Variants in ANKRD28 observed in about 807,000 individuals in gnomAD.
The protein encoded by ANKRD28 is ankyrin repeat domain 28.
ANKRD28 carries 44 observed loss-of-function variants against 126.5 expected under a neutral mutation model. The observed-to-expected ratio is 0.35, with a 90% CI of 0.27 to 0.45. The LOEUF is 0.45. Ranked by LOEUF, ANKRD28 falls within the 20% of genes least tolerant of loss-of-function variation. The pLI is 1.00. For synonymous variants in ANKRD28, 442 were observed against 468.5 expected, an observed-to-expected ratio of 0.94 and a Z score of 0.73; for missense variants, 1,110 against 1,316.6, an observed-to-expected ratio of 0.84 and a Z score of 2.43.
Position 15,814,777 on chromosome 3 carries a change from C to T in ANKRD28, c.28-19471G>A, listed in dbSNP as rs192091237. Among the ~76,000 whole-genome samples, 43 of 151,910 alleles carry T rather than the reference C, an allele frequency of 2.8e-4. No homozygotes were observed. The highest frequency in any genetic ancestry group is 9.4e-4 in the African/African-American group (39 of 41,466). Reference sequence around the variant, plus strand: ...AAAAGTTTAAAATATTCAATCTATACGCTTTTTGAATATGTAGAACATACT... The same window carrying T: ...AAAAGTTTAAAATATTCAATCTATATGCTTTTTGAATATGTAGAACATACT... On this transcript the variant is annotated intron_variant, in intron 1 of 27. Coordinates refer to the ANKRD28 transcript ENST00000399451. This position sits in a 1 kb window ranked among gnomAD's most constrained non-coding sequence, Gnocchi z 4.7.
In ANKRD28 at chr3:15,846,532, G is replaced by A. The variant is rs970709555; in HGVS notation, c.27+12845C>T. On this transcript the variant is annotated intron_variant, in intron 1 of 27. Coordinates refer to the ANKRD28 transcript ENST00000399451. The surrounding 1 kb of genome is among the most constrained non-coding windows in gnomAD (Gnocchi z 5.4). The stretch of plus-strand genomic sequence containing the variant: ...CTGAAAGCTTACCTACCATATAAAC[G>A]AGTTAAAAAATACAAACAGTATAAA... Among the ~76,000 whole-genome samples the A allele has an allele frequency of 6.6e-6, 1 of 152,086 alleles. No individual in the cohort carries two copies. The highest frequency in any genetic ancestry group is 1.9e-4 in the East Asian group (1 of 5,194).
chr3:15,682,827 T>C (rs2067681382), intron 21 of ANKRD28, among the ~76,000 whole-genome samples: 1 of 152,228 alleles, frequency 6.6e-6, no homozygotes, highest in African/African-American at 2.4e-5. Context: ...AGGCTGTCTA[T>C]ATAGTCGCTT....
chr3:15,688,177 T>A (rs187211234), intron 18 of ANKRD28, among the ~76,000 whole-genome samples: 345 of 152,384 alleles, frequency 2.3e-3, no homozygotes, highest in Non-Finnish European at 4.0e-3. Flanking sequence ...AACCACTCCA[T>A]GCAAGCTTTA....
At position 15,721,092 on chromosome 3, in the gene ANKRD28, A is replaced by G. The variant is rs2073674580; in HGVS notation, c.819T>C (p.Leu273=). The G allele has an allele frequency of 6.2e-7, 1 of 1,613,714 alleles. No individual in the cohort carries two copies. The highest frequency in any genetic ancestry group is 1.7e-5 in the Admixed American group (1 of 59,996). Residue 273 remains leucine, a synonymous_variant, in exon 8 of 28, where the codon CTT becomes CTC. Coordinates refer to ENST00000683139, the MANE Select transcript of ANKRD28 (RefSeq NM_001349278.2). Reference sequence around the variant, plus strand: ...CTTGTCCATTATAGCAGGCTACATGAAGAGGTGTATTTCCATAGGCATTTG... The same window carrying G: ...CTTGTCCATTATAGCAGGCTACATGGAGAGGTGTATTTCCATAGGCATTTG... ...NEPNAYGNTP[L]HVACYNGQDV...
intron 1 of ANKRD28, among the ~76,000 whole-genome samples, chr3:15,836,629 A>G (rs2061331007): frequency 6.6e-6 from 1 of 152,198 alleles, no homozygotes; most frequent in Admixed American, 6.5e-5. Flanking sequence ...ATGGAAAAAC[A>G]TATACCACAC....
At chr3:15,762,188 T>TAAAAAAAAAAAAAAAAAAAAAA (rs1163421626) in intron 3 of ANKRD28, among the ~76,000 whole-genome samples, 17 of 64,950 alleles carry the variant, frequency 2.6e-4, no homozygotes, top group East Asian at 1.1e-3. Context: ...ACTATGTCTT[T>TAAAAAAAAAAAAAAAAAAAAAA]AAAAAAAAAA....
chr3:15,679,726 G>A (rs1278426191), intron 21 of ANKRD28, among the ~76,000 whole-genome samples, 163 bp from the exon 22 acceptor site: 1 of 152,126 alleles, frequency 6.6e-6, no homozygotes, highest in Non-Finnish European at 1.5e-5. Context: ...TAAGCCACCA[G>A]TAGTTCCTGA....
intron 9 of ANKRD28, among the ~76,000 whole-genome samples, chr3:15,714,103 T>G (rs1011010386): frequency 6.6e-6 from 1 of 152,130 alleles, no homozygotes; most frequent in Non-Finnish European, 1.5e-5. Flanking sequence ...AAAACACTGA[T>G]TTAAAGTAAT....
chr3:15,780,024 C>A (rs1460060997), intron 2 of ANKRD28, among the ~76,000 whole-genome samples: 1 of 152,144 alleles, frequency 6.6e-6, no homozygotes, highest in East Asian at 1.9e-4. Context: ...GACAAGAATG[C>A]TGCCCACCCT....
intron 14 of ANKRD28, among the ~76,000 whole-genome samples, chr3:15,705,156 A>G (rs1180295525): frequency 6.6e-6 from 1 of 152,208 alleles, no homozygotes; most frequent in African/African-American, 2.4e-5. Context: ...ACTGAGGATT[A>G]AATATTTAAA....
At chr3:15,676,134 G>A (rs78957730) in intron 26 of ANKRD28, 145 bp from the exon 27 acceptor site, 44,019 of 539,732 alleles carry the variant, frequency 0.082, 2,069 homozygotes, top group Middle Eastern at 0.11. Context: ...TAACAAAGAT[G>A]GGGGCAGGGA....
intron 2 of ANKRD28, among the ~76,000 whole-genome samples, chr3:15,766,681 C>T (rs1174636589): frequency 6.7e-6 from 1 of 148,738 alleles, no homozygotes; most frequent in African/African-American, 2.5e-5. Flanking sequence ...CTATTAAAAA[C>T]AAAAAAAAAC....
intron 6 of ANKRD28, among the ~76,000 whole-genome samples, chr3:15,729,034 G>A (rs1400775221): frequency 1.3e-5 from 2 of 152,150 alleles, no homozygotes; most frequent in African/African-American, 4.8e-5. Context: ...GCTGGTCACT[G>A]TGCCAGAAAG....
chr3:15,848,062 T>C (rs960626507), intron 1 of ANKRD28, among the ~76,000 whole-genome samples: 3 of 152,222 alleles, frequency 2.0e-5, no homozygotes, highest in South Asian at 2.1e-4. Context: ...GAGTCTGGTA[T>C]AGCACTTGAT....
rs1018875611 is a variant in ANKRD28 at position 15,667,291 on chromosome 3, A to T, written c.*2979T>A. The T allele has an allele frequency of 1.3e-5, 2 of 152,202 alleles. No homozygotes were observed. The highest frequency in any genetic ancestry group is 2.9e-5 in the Non-Finnish European group (2 of 68,042). The allele number at this position is 152,202 out of a possible 1,614,324, so 9.4% of individuals were successfully genotyped here. On this transcript the variant is annotated 3_prime_UTR_variant, in exon 28 of 28. Transcript: ENST00000683139. ...AAAAGGTCCAATATAAGCCAAATTA[A>T]CCCCAAAATTTACAGCTACACTTAG...
Position 15,818,891 on chromosome 3 carries a change from A to G in ANKRD28, c.28-23585T>C, listed in dbSNP as rs374460174. 3.9e-5 allele frequency among the ~76,000 whole-genome samples: 6 copies of G among 152,314 alleles called. No homozygotes were observed. In the East Asian group the frequency reaches 9.6e-4, roughly 24 times the overall value. ...GTGGGCTTTTTTGTAGAAATCAATA[A>G]ACTGATGTGAAATTCATATGGAAAG... is the stretch of plus-strand genomic sequence containing the variant. On this transcript the variant is annotated intron_variant, in intron 1 of 27. Coordinates refer to the ANKRD28 transcript ENST00000399451.
chr3:15,686,435 G>C (rs1162324366), intron 18 of ANKRD28, 126 bp from the exon 19 acceptor site: 2 of 730,928 alleles, frequency 2.7e-6, no homozygotes, highest in African/African-American at 3.5e-5. Context: ...ATGCAAGAAT[G>C]AAAACTATAG....
At position 15,713,555 on chromosome 3, in the gene ANKRD28, G is replaced by A; in HGVS notation, c.1162C>T (p.Leu388Phe). ...RYGHELLINT[L>F]ITSGADTAKR... Reference sequence around the variant, plus strand: ...GCAGTGTCAGCACCACTTGTAATAAGAGTGTTGATCAGCAGCTCATGGCCA... The same window carrying A: ...GCAGTGTCAGCACCACTTGTAATAAAAGTGTTGATCAGCAGCTCATGGCCA... Residue 388 changes from leucine to phenylalanine, a missense_variant, in exon 10 of 28, where the codon CTT becomes TTT. Leu to Phe is a conservative substitution (Grantham distance 22). Coordinates refer to ENST00000683139, the MANE Select transcript of ANKRD28 (RefSeq NM_001349278.2). The A allele has an allele frequency of 6.2e-7, 1 of 1,611,712 alleles. No individual in the cohort carries two copies. The highest frequency in any genetic ancestry group is 1.7e-5 in the Admixed American group (1 of 59,376).
rs73147584 is a variant in ANKRD28, at chr3:15,769,410, C to T, written c.202-3098G>A. ...AAAATGTATTAAAATTAAAAAGTGACGATCCCCTTAGACACAGTAATTCCA... is the reference window on the plus strand; with the variant it reads ...AAAATGTATTAAAATTAAAAAGTGATGATCCCCTTAGACACAGTAATTCCA... On this transcript the variant is annotated intron_variant, in intron 2 of 27. Coordinates refer to ENST00000683139, the MANE Select transcript of ANKRD28 (RefSeq NM_001349278.2). 2.2e-3 allele frequency among the ~76,000 whole-genome samples: 340 copies of T among 152,150 alleles called. 2 individuals carry two copies. The highest frequency in any genetic ancestry group is 7.6e-3 in the African/African-American group (315 of 41,522).
Sources: gnomAD v4.1 joint callset for allele counts (sites outside exome capture counted in the v4.1 genomes callset) on GRCh38, gnomAD v4.1.1 for gene constraint, Gnocchi (gnomAD v3.1) non-coding constraint, MANE v1.5 for transcripts, NCBI Gene and HGNC (gene_info 2026-07-23, HGNC 2026-07-21) for gene names.